The following DTNB variants were observed in gnomAD, a reference collection of about 807,000 sequenced individuals.
DTNB encodes the protein dystrobrevin beta, also known as DTN-B.
In DTNB, 63 loss-of-function variants were observed where a neutral mutation model predicts 90.7. The observed-to-expected ratio is 0.69, with a 90% CI of 0.57 to 0.86. The LOEUF is 0.86. Ranked by LOEUF, DTNB falls within the 40% of genes least tolerant of loss-of-function variation. The pLI is 0.00. For synonymous variants in DTNB, 277 were observed against 286.7 expected (o/e 0.97, Z 0.34); for missense variants, 744 against 807.1 (o/e 0.92, Z 0.95).
chr2:25,564,435 C>G (rs974531407), intron 8 of DTNB, among the ~76,000 whole-genome samples: 1 of 152,222 alleles, frequency 6.6e-6, no homozygotes, highest in Admixed American at 6.5e-5. Flanking sequence ...CGATGGAGCA[C>G]AGTGGTGCGA....
intron 8 of DTNB, among the ~76,000 whole-genome samples, chr2:25,540,855 A>G (rs1411885307): frequency 6.6e-6 from 1 of 152,064 alleles, no homozygotes; most frequent in Non-Finnish European, 1.5e-5. Context: ...ATGCTCGTTA[A>G]GAGTCATCAC....
rs749396906 is a variant in DTNB, at chr2:25,387,408, C to T, written c.1736-30G>A. On this transcript the variant is annotated intron_variant, in intron 17 of 20. Coordinates refer to ENST00000406818, the MANE Select transcript of DTNB (RefSeq NM_021907.5). The surrounding 1 kb of genome is among the most constrained non-coding windows in gnomAD (Gnocchi z 4.5). ...GGAGAGGCAGAGCAGATGGGGATGC[C>T]AGGGTGGGTGAGCGTGGAGAAGAGA... 1.4e-5 allele frequency: 23 copies of T among 1,602,756 alleles called. No homozygotes were observed. In the South Asian group the frequency reaches 2.5e-4, roughly 18 times the overall value.
intron 10 of DTNB, among the ~76,000 whole-genome samples, chr2:25,474,743 C>T (rs1366678451): frequency 3.3e-5 from 5 of 152,168 alleles, no homozygotes; most frequent in African/African-American, 1.2e-4. Flanking sequence ...CTGAGTTGAG[C>T]AAGGCCACTG....
In DTNB at chr2:25,576,869, T is replaced by C; in HGVS notation, c.845A>G (p.Asn282Ser). 1 of 1,613,162 alleles carries C rather than the reference T, an allele frequency of 6.2e-7. No individual in the cohort carries two copies. The highest frequency in any genetic ancestry group is 1.3e-5 in the African/African-American group (1 of 75,036). The change falls in exon 8 of 21, where the codon AAC (asparagine) becomes AGC (serine). Residue 282 changes from asparagine to serine, a missense_variant. Transcript: ENST00000406818. Reference sequence around the variant, plus strand: ...GGAATGCTCCTTCATCTGGTGCTGGTTGCTGTGAGGGCCGCCGGCATGGCC... The same window carrying C: ...GGAATGCTCCTTCATCTGGTGCTGGCTGCTGTGAGGGCCGCCGGCATGGCC... ...WRGHAGGPHS[N>S]QHQMKEHSSW...
At chr2:25,451,523 C>T in intron 12 of DTNB, 25 bp downstream of exon 12, 1 of 1,590,394 alleles carries the variant, frequency 6.3e-7, no homozygotes, top group East Asian at 2.3e-5. Flanking sequence ...TTCTGCTACT[C>T]TCCTGGGATC....
At chr2:25,627,460 G>A (rs1216384342) in intron 4 of DTNB, among the ~76,000 whole-genome samples, 7 of 151,920 alleles carry the variant, frequency 4.6e-5, no homozygotes, top group Non-Finnish European at 1.0e-4. Context: ...AATATTTGAT[G>A]TTACAGAGTA....
chr2:25,601,518 T>C (rs542966876), intron 5 of DTNB, among the ~76,000 whole-genome samples: 1 of 152,348 alleles, frequency 6.6e-6, no homozygotes, highest in East Asian at 1.9e-4. Context: ...TCTTGATTTT[T>C]TCCTGGTGAT....
Position 25,628,342 on chromosome 2 carries a change from T to A in DTNB, c.191A>T (p.Asp64Val). The stretch of plus-strand genomic sequence containing the variant: ...ATGGTCCAGTGTATTAAGGCCATTG[T>A]CTCGGAAGGCTTCAATCATGTTCCA... ...DIWNMIEAFR[D>V]NGLNTLDHTT... Residue 64 changes from aspartate (D) to valine (V), a missense_variant, in exon 4 of 21, where the codon GAC (aspartate) becomes GTC (valine). By Grantham distance (152) the Asp-to-Val change is radical. Transcript: ENST00000406818. 1 of 1,613,194 alleles carries A rather than the reference T, an allele frequency of 6.2e-7. No individual in the cohort carries two copies. The highest frequency in any genetic ancestry group is 8.5e-7 in the Non-Finnish European group (1 of 1,179,728).
chr2:25,650,219 G>A (rs2080566500), intron 2 of DTNB: 5 of 985,320 alleles, frequency 5.1e-6, no homozygotes, highest in Non-Finnish European at 4.8e-6. Context: ...GAATTACTGT[G>A]TTTGTGTATT....
At chr2:25,628,418 T>G (rs1559299888) in intron 3 of DTNB, 34 bp from the exon 4 acceptor site, 2 of 1,586,760 alleles carry the variant, frequency 1.3e-6, no homozygotes, top group Middle Eastern at 1.7e-4. Flanking sequence ...GTCAACAATT[T>G]TAAAGTGTGG....
At chr2:25,620,492 C>T (rs1308890794) in intron 4 of DTNB, among the ~76,000 whole-genome samples, 1 of 152,044 alleles carries the variant, frequency 6.6e-6, no homozygotes, top group Non-Finnish European at 1.5e-5. Context: ...TTCCTCCTGC[C>T]CTTTCTTTTA....
At chr2:25,484,697 T>C (rs1258642445) in intron 9 of DTNB, among the ~76,000 whole-genome samples, 2 of 152,238 alleles carry the variant, frequency 1.3e-5, no homozygotes, top group Non-Finnish European at 2.9e-5. Context: ...ACTATGCTTA[T>C]TGTTCTACAT....
At chr2:25,571,980 T>C (rs2059941424) in intron 8 of DTNB, among the ~76,000 whole-genome samples, 1 of 152,126 alleles carries the variant, frequency 6.6e-6, no homozygotes, top group Admixed American at 6.5e-5. Flanking sequence ...AACTTCAATC[T>C]TCAGGTACCT....
intron 16 of DTNB, among the ~76,000 whole-genome samples, chr2:25,412,688 A>C (rs2046902056): frequency 6.6e-6 from 1 of 152,242 alleles, no homozygotes; most frequent in African/African-American, 2.4e-5. Flanking sequence ...CAAATCCTTC[A>C]TGAATAAACA....
At chr2:25,601,133 T>C (rs538544772) in intron 5 of DTNB, among the ~76,000 whole-genome samples, 3 of 152,256 alleles carry the variant, frequency 2.0e-5, no homozygotes, top group South Asian at 2.1e-4. Flanking sequence ...ACCTAAGTTA[T>C]TGTGATTTAC....
chr2:25,469,953 C>G (rs539895919), intron 10 of DTNB, among the ~76,000 whole-genome samples: 1 of 152,150 alleles, frequency 6.6e-6, no homozygotes, highest in Non-Finnish European at 1.5e-5. Flanking sequence ...GGAGAAGAAA[C>G]GACCACTGTC....
At chr2:25,667,741 T>C (rs2084818662) in intron 1 of DTNB, among the ~76,000 whole-genome samples, 2 of 152,286 alleles carry the variant, frequency 1.3e-5, no homozygotes, top group South Asian at 4.1e-4. Flanking sequence ...ATTCTTACCA[T>C]TCGACCCAGC....
chr2:25,597,278 C>G (rs1167727199), intron 5 of DTNB, among the ~76,000 whole-genome samples: 2 of 151,756 alleles, frequency 1.3e-5, no homozygotes, highest in Non-Finnish European at 2.9e-5. Context: ...CTACAGTGAG[C>G]CGTGATGCCA....
chr2:25,481,594 C>G (rs2064979462), intron 10 of DTNB: 1 of 152,300 alleles, frequency 6.6e-6, no homozygotes. Context: ...AAGGCAAGTA[C>G]TCTTACCTGG....
Sources: gnomAD v4.1 joint callset for allele counts (sites outside exome capture counted in the v4.1 genomes callset) on GRCh38, gnomAD v4.1.1 for gene constraint, Gnocchi (gnomAD v3.1) non-coding constraint, MANE v1.5 for transcripts, NCBI Gene and HGNC (gene_info 2026-07-23, HGNC 2026-07-21) for gene names.